The following USP1 variants were observed in gnomAD, a reference collection of about 807,000 sequenced individuals.
The protein encoded by USP1 is ubiquitin specific peptidase 1.
Under a neutral mutation model 72.2 loss-of-function variants are expected in USP1, and 18 were observed. The ratio of observed to expected loss-of-function variants is 0.25; its 90% CI spans 0.17 to 0.37. The LOEUF is 0.37. Ranked by LOEUF, USP1 falls within the 10% of genes least tolerant of loss-of-function variation. The pLI is 1.00. For missense variants in USP1, 759 were observed against 884.9 expected (o/e 0.86, Z 1.81); for synonymous variants, 354 against 303.7 (o/e 1.17, Z -1.72).
rs1008533553 is a variant in USP1, at chr1:62,441,500, T to G, written c.183T>G (p.Val61=). 10 of 1,606,084 alleles carry G rather than the reference T, an allele frequency of 6.2e-6. No individual in the cohort carries two copies. Among genetic ancestry groups the G allele is most frequent in the Non-Finnish European group, 8.5e-6 (10 of 1,177,750 alleles). Residue 61 remains valine, a synonymous_variant, in exon 3 of 9, where the codon GTT becomes GTG. Transcript: ENST00000339950. The part of the protein sequence containing the change: ...EYRASEIDQV[V]PAAQSSPINC... ...CTATATTTCATAGTGATCAAGTTGT[T>G]CCTGCAGCACAGTCTTCACCTATAA...
In USP1 at chr1:62,437,306, G is replaced by A; in HGVS notation, c.-164G>A. 2 of 396,788 alleles carry A rather than the reference G, an allele frequency of 5.0e-6. No homozygotes were observed. Among genetic ancestry groups the A allele is most frequent in the Non-Finnish European group, 8.9e-6 (2 of 225,350 alleles). 24.6% of individuals were successfully genotyped at this position (396,788 alleles called of 1,614,324 possible). A position where few individuals can be genotyped will look rare whatever the true frequency, so the allele number is the denominator to read the frequency against. On this transcript the variant is annotated 5_prime_UTR_variant, in exon 1 of 9. Transcript: ENST00000339950. ...ATTTTCCTGGGGCCGGGGACCCGGC[G>A]GGCTCGGGGCAGGGACTCACCTGTC...
At chr1:62,442,148 T>C in intron 3 of USP1, 47 bp from the exon 4 acceptor site, 1 of 1,234,186 alleles carries the variant, frequency 8.1e-7, no homozygotes, top group Non-Finnish European at 1.2e-6. Context: ...TGATTTTACG[T>C]GTATTGTTTG....
In USP1 at chr1:62,443,276, G is replaced by C. The variant is rs1021060368; in HGVS notation, c.514G>C (p.Asp172His). Reference protein sequence around the residue: ...SFLLNPEKYTDELATQPRRLL... With the variant: ...SFLLNPEKYTHELATQPRRLL... Reference sequence around the variant, plus strand: ...TCTCTTAAATCCAGAGAAATATACTGATGAACTTGCCACTCAGCCAAGGCG... The same window carrying C: ...TCTCTTAAATCCAGAGAAATATACTCATGAACTTGCCACTCAGCCAAGGCG... Residue 172 changes from aspartate to histidine, a missense_variant, in exon 5 of 9, where the codon GAT becomes CAT. Coordinates refer to ENST00000339950, the MANE Select transcript of USP1 (RefSeq NM_003368.5). The C allele has an allele frequency of 6.2e-7, 1 of 1,613,450 alleles. No individual in the cohort carries two copies. Among genetic ancestry groups the C allele is most frequent in the African/African-American group, 1.3e-5 (1 of 74,886 alleles).
Position 62,444,834 on chromosome 1 carries a change from A to G in USP1, c.654A>G (p.Leu218=), listed in dbSNP as rs1335754288. 1.9e-6 allele frequency: 3 copies of G among 1,613,310 alleles called. No individual in the cohort carries two copies. The highest frequency in any genetic ancestry group is 2.5e-6 in the Non-Finnish European group (3 of 1,179,708). The change falls in exon 6 of 9, where the codon CTA becomes CTG. Residue 218 remains leucine, a synonymous_variant. Coordinates refer to ENST00000339950, the MANE Select transcript of USP1 (RefSeq NM_003368.5). ...LGNIQETCQL[L]KKEEVKNVAE... ...ACATTCAAGAAACATGCCAACTCCTAAAAAAAGAAGAAGTAAAAAATGTGG... is the reference window on the plus strand; with the variant it reads ...ACATTCAAGAAACATGCCAACTCCTGAAAAAAGAAGAAGTAAAAAATGTGG...
chr1:62,443,167 C>G lies in USP1; in HGVS notation c.405C>G (p.Cys135Trp). The change falls in exon 5 of 9, where the codon TGC becomes TGG. Residue 135 changes from cysteine (C) to tryptophan (W), a missense_variant. Physicochemically the swap from Cys to Trp is radical, Grantham distance 215. This residue lies in a region of USP1 where 71 missense variants were observed against 71.0 expected (regional missense o/e 1.00). Transcript: ENST00000339950. ...DEANQKDKGN[C>W]KEDSLASYEL... The stretch of plus-strand genomic sequence containing the variant: ...TGTTTCTTTCTTGACAGGGAAATTG[C>G]AAAGAAGATTCTTTGGCAAGTTATG... The G allele has an allele frequency of 6.2e-7, 1 of 1,606,694 alleles. No homozygotes were observed. Among genetic ancestry groups the G allele is most frequent in the Non-Finnish European group, 8.5e-7 (1 of 1,177,852 alleles).
chr1:62,438,610 A>G (rs1645109075), intron 1 of USP1, among the ~76,000 whole-genome samples: 2 of 152,148 alleles, frequency 1.3e-5, no homozygotes, highest in African/African-American at 2.4e-5. Context: ...GCTTTAAGTA[A>G]TTTTATGGTA....
intron 1 of USP1, among the ~76,000 whole-genome samples, chr1:62,437,902 A>G (rs1005129847): frequency 3.9e-5 from 6 of 152,244 alleles, no homozygotes; most frequent in African/African-American, 1.4e-4. Flanking sequence ...GAAAAATCGG[A>G]ATCGAGTCGT....
chr1:62,450,421 G>C lies in USP1; in HGVS notation c.1798G>C (p.Val600Leu), dbSNP rs1645206322. Residue 600 changes from valine (V) to leucine (L), a missense_variant, in exon 9 of 9, where the codon GTC becomes CTC. By Grantham distance (32) the Val-to-Leu change is conservative. Transcript: ENST00000339950. ...SSGHYTASVK[V>L]TDLNSLELDK... Reference sequence around the variant, plus strand: ...TGGGCATTACACTGCTTCTGTTAAAGTCACTGACCTTAACAGTTTAGAACT... The same window carrying C: ...TGGGCATTACACTGCTTCTGTTAAACTCACTGACCTTAACAGTTTAGAACT... The C allele has an allele frequency of 3.1e-6, 5 of 1,614,138 alleles. No homozygotes were observed. The highest frequency in any genetic ancestry group is 3.4e-6 in the Non-Finnish European group (4 of 1,180,026).
rs762837939 is a variant in USP1, at chr1:62,445,058, T to C, written c.878T>C (p.Leu293Ser). ...AAATTATCCAAGGAACACCAGTCAT[T>C]GGAAGAGAACCAGAGACAAACTAGA... ...KVKLSKEHQS[L>S]EENQRQTRSK... The change falls in exon 6 of 9, where the codon TTG becomes TCG. Residue 293 changes from leucine (L) to serine (S), a missense_variant. Around this residue, in one of 9 missense-constraint regions of USP1, gnomAD observed 245 missense variants for 240.7 expected, o/e 1.02. Coordinates refer to ENST00000339950, the MANE Select transcript of USP1 (RefSeq NM_003368.5). The C allele has an allele frequency of 3.7e-6, 6 of 1,612,610 alleles. 1 individual carries two copies. In the South Asian group the frequency reaches 6.6e-5, roughly 18 times the overall value.
intron 5 of USP1, among the ~76,000 whole-genome samples, chr1:62,444,280 A>C (rs1016363844): frequency 4.7e-5 from 3 of 64,296 alleles, no homozygotes; most frequent in Admixed American, 1.6e-4. Flanking sequence ...AAAAAAAAAA[A>C]GGCCATTGTA....
intron 2 of USP1, 111 bp from the exon 3 acceptor site, chr1:62,441,377 A>G (rs1041254140): frequency 7.1e-6 from 9 of 1,268,200 alleles, no homozygotes; most frequent in African/African-American, 1.5e-5. Flanking sequence ...CAAGATTCAC[A>G]TACTTTTCAG....
chr1:62,445,491 C>T, intron 6 of USP1, 62 bp downstream of exon 6: 3 of 1,391,390 alleles, frequency 2.2e-6, no homozygotes, highest in Non-Finnish European at 2.9e-6. Flanking sequence ...TTAGAATTTT[C>T]TCTTCCTAGA....
intron 5 of USP1, 112 bp from the exon 6 acceptor site, chr1:62,444,626 T>G: frequency 1.1e-6 from 1 of 910,796 alleles, no homozygotes. Flanking sequence ...TGTCTTGACA[T>G]TTAAAAAATG....
Position 62,451,096 on chromosome 1 carries a change from T to A in USP1, c.*115T>A. 1 of 1,056,794 alleles carries A rather than the reference T, an allele frequency of 9.5e-7. No individual in the cohort carries two copies. The highest frequency in any genetic ancestry group is 1.3e-6 in the Non-Finnish European group (1 of 777,462). The allele number at this position is 1,056,794 out of a possible 1,614,324, so 65.5% of individuals were successfully genotyped here. A position where few individuals can be genotyped will look rare whatever the true frequency, so the allele number is the denominator to read the frequency against. ...TTGAAGCTACTGGATATTATTGGTC[T>A]CTCTAGGTTTTTATATAAATAGTGA... On this transcript the variant is annotated 3_prime_UTR_variant, in exon 9 of 9. Coordinates refer to ENST00000339950, the MANE Select transcript of USP1 (RefSeq NM_003368.5).
intron 1 of USP1, among the ~76,000 whole-genome samples, chr1:62,438,897 G>GT (rs930762140): frequency 5.9e-5 from 9 of 152,222 alleles, no homozygotes; most frequent in African/African-American, 2.2e-4. Flanking sequence ...GCATCGAACA[G>GT]TTTTTTTTAT....
In USP1 at chr1:62,443,325, G is replaced by T. The variant is rs750256876; in HGVS notation, c.557+6G>T. Reference sequence around the variant, plus strand: ...CGACTGCTTAACACACTGAGGTATAGCCTATAATATAATTTTAGGGTTTCA... The same window carrying T: ...CGACTGCTTAACACACTGAGGTATATCCTATAATATAATTTTAGGGTTTCA... On this transcript the variant is annotated splice_donor_region_variant and intron_variant, in intron 5 of 8. Coordinates refer to ENST00000339950, the MANE Select transcript of USP1 (RefSeq NM_003368.5). 1.3e-6 allele frequency: 2 copies of T among 1,588,110 alleles called. No homozygotes were observed. The highest frequency in any genetic ancestry group is 2.3e-5 in the South Asian group (2 of 86,072).
chr1:62,437,999 A>T (rs917071038), intron 1 of USP1, among the ~76,000 whole-genome samples: 1 of 152,146 alleles, frequency 6.6e-6, no homozygotes, highest in African/African-American at 2.4e-5. Flanking sequence ...TTTCTGCGAA[A>T]GTTGATTTAG....
intron 1 of USP1, among the ~76,000 whole-genome samples, chr1:62,437,671 C>T (rs1645100306): frequency 6.6e-6 from 1 of 152,222 alleles, no homozygotes; most frequent in South Asian, 2.1e-4. Context: ...CCGCCAGCCT[C>T]CCCCGACCGG....
chr1:62,436,769 G>C (rs779642268), upstream of USP1: 7 of 217,712 alleles, frequency 3.2e-5, no homozygotes, highest in African/African-American at 1.4e-4. Context: ...CAGCCAGGCC[G>C]CTAGCACCTC....
Sources: allele counts gnomAD v4.1 joint callset (sites outside exome capture counted in the v4.1 genomes callset), GRCh38; gene constraint gnomAD v4.1.1; regional missense constraint gnomAD v4.1.1; transcripts MANE v1.5; gene names NCBI Gene and HGNC (gene_info 2026-07-23, HGNC 2026-07-21).